The following ZNF33A variants were observed in gnomAD, a reference collection of about 807,000 sequenced individuals.
The protein encoded by ZNF33A is zinc finger protein 33A, also known as brain my041 protein.
A neutral mutation model predicts 15.9 loss-of-function variants in ZNF33A; 9 were observed. That is an observed-to-expected ratio of 0.57 (90% CI 0.34 to 0.99). The LOEUF is 0.99. ZNF33A is among the 50% of genes least tolerant of loss of function. The probability of loss-of-function intolerance (pLI) is 0.02; values close to 1 mark genes in which losing one functional copy is unlikely to be tolerated. For missense variants in ZNF33A, 843 were observed against 941.6 expected, an observed-to-expected ratio of 0.90 and a Z score of 1.37; for synonymous variants, 294 against 324.2, an observed-to-expected ratio of 0.91 and a Z score of 1.00.
At chr10:38,011,694 A>G (rs1385478003) in intron 1 of ZNF33A, among the ~76,000 whole-genome samples, 1 of 152,182 alleles carries the variant, frequency 6.6e-6, no homozygotes, top group Non-Finnish European at 1.5e-5. Flanking sequence ...GTTAGTAGGG[A>G]AGACTAAGTC....
At chr10:38,027,788 A>T (rs2065048230) in intron 4 of ZNF33A, among the ~76,000 whole-genome samples, 1 of 152,098 alleles carries the variant, frequency 6.6e-6, no homozygotes, top group Non-Finnish European at 1.5e-5. Flanking sequence ...CCCTTTATTC[A>T]TATATAGTAT....
Position 38,044,722 on chromosome 10 carries a change from C to CA in ZNF33A, c.251-9652dup, listed in dbSNP as rs1193003164. On this transcript the variant is annotated intron_variant, in intron 4 of 4. Coordinates refer to ENST00000432900, the MANE Select transcript of ZNF33A (RefSeq NM_006954.2). Reference sequence around the variant, plus strand: ...TCGCTCTGTCACCCAGGCTGGAGTTCAGAGGCATGATCTCAGCTCACTGCA... The same window carrying CA: ...TCGCTCTGTCACCCAGGCTGGAGTTCAAGAGGCATGATCTCAGCTCACTGCA... 2.0e-5 allele frequency among the ~76,000 whole-genome samples: 3 copies of CA among 152,020 alleles called. No homozygotes were observed. The East Asian group carries it at 5.8e-4, about 30-fold the overall frequency.
intron 4 of ZNF33A, among the ~76,000 whole-genome samples, chr10:38,029,212 C>T (rs1162003364): frequency 6.6e-6 from 1 of 152,094 alleles, no homozygotes; most frequent in African/African-American, 2.4e-5. Flanking sequence ...TAAAGACACC[C>T]TTTAGTGCTT....
chr10:38,017,076 G>T (rs1022688484), intron 3 of ZNF33A, 61 bp downstream of exon 3: 2 of 1,568,416 alleles, frequency 1.3e-6, no homozygotes, highest in Non-Finnish European at 1.7e-6. Context: ...ATTATGAAGC[G>T]TATGGGCAGT....
downstream of ZNF33A, chr10:38,064,028 A>T: frequency 6.5e-7 from 1 of 1,526,780 alleles, no homozygotes; most frequent in African/African-American, 1.4e-5. Context: ...GGCCATCTTC[A>T]CATCAACCCT....
chr10:38,014,035 ATTTTTTTTTTTTTTTT>A (rs10658326), intron 2 of ZNF33A, among the ~76,000 whole-genome samples: 2 of 80,368 alleles, frequency 2.5e-5, no homozygotes, highest in African/African-American at 5.5e-5. Context: ...ATGATGTCTG[ATTTTTTTTTTTTTTTT>A]TTTTTTTTTT....
In ZNF33A at chr10:38,056,466, A is replaced by C; in HGVS notation, c.2342A>C (p.Asp781Ala). The C allele has an allele frequency of 6.2e-7, 1 of 1,613,686 alleles. No homozygotes were observed. The highest frequency in any genetic ancestry group is 8.5e-7 in the Non-Finnish European group (1 of 1,179,756). The change falls in exon 5 of 5, where the codon GAT (aspartate) becomes GCT (alanine). Residue 781 changes from aspartate (D) to alanine (A), a missense_variant. Asp to Ala is a moderately radical substitution (Grantham distance 126, BLOSUM62 -2). Transcript: ENST00000432900. ...HIGENLMNEM[D>A]IRNFQPQVSL... is the part of the protein sequence containing the mutation. Reference sequence around the variant, plus strand: ...GGAGAAAACCTTATGAATGAAATGGATATTAGAAATTTCCAGCCACAAGTC... The same window carrying C: ...GGAGAAAACCTTATGAATGAAATGGCTATTAGAAATTTCCAGCCACAAGTC...
chr10:38,029,031 T>A (rs2472157), intron 4 of ZNF33A, among the ~76,000 whole-genome samples: 9,125 of 152,288 alleles, frequency 0.06, 352 homozygotes, highest in Middle Eastern at 0.095. Flanking sequence ...ATGTAAATTT[T>A]TATTTAGTTC....
intron 4 of ZNF33A, among the ~76,000 whole-genome samples, chr10:38,052,960 T>G (rs2066275308): frequency 6.6e-6 from 1 of 151,644 alleles, no homozygotes; most frequent in Admixed American, 6.6e-5. Context: ...CTTTAAGGAC[T>G]GCAATAACAT....
chr10:38,034,866 T>C (rs1404157705), intron 4 of ZNF33A, among the ~76,000 whole-genome samples: 1 of 152,156 alleles, frequency 6.6e-6, no homozygotes, highest in East Asian at 1.9e-4. Flanking sequence ...CTTGCAGCAG[T>C]AGGGCGTGGC....
At chr10:38,066,407 C>T (rs1440478271), downstream of ZNF33A, among the ~76,000 whole-genome samples, 1 of 151,884 alleles carries the variant, frequency 6.6e-6, no homozygotes, top group Non-Finnish European at 1.5e-5. Flanking sequence ...GTGCCTGCTA[C>T]CATACCTGGT....
At chr10:38,011,029 T>C (rs1157313775) in intron 1 of ZNF33A, among the ~76,000 whole-genome samples, 1 of 152,164 alleles carries the variant, frequency 6.6e-6, no homozygotes, top group Non-Finnish European at 1.5e-5. Context: ...GGAGGGCATG[T>C]GCGCTTGCGC....
chr10:38,039,870 A>G (rs1053010442), intron 4 of ZNF33A, among the ~76,000 whole-genome samples: 4 of 150,856 alleles, frequency 2.7e-5, no homozygotes, highest in Non-Finnish European at 3.0e-5. Context: ...TAGTTCATTA[A>G]TTTTTACTCT....
intron 4 of ZNF33A, among the ~76,000 whole-genome samples, chr10:38,045,086 T>G (rs943764497): frequency 6.6e-5 from 10 of 152,228 alleles, no homozygotes; most frequent in Non-Finnish European, 1.5e-4. Context: ...CCTGTTTCTT[T>G]GTATGTCTTG....
In ZNF33A at chr10:38,055,814, C is replaced by T; in HGVS notation, c.1690C>T (p.His564Tyr). ...ACPECGKFFS[H>Y]KSTLSQHYRT... ...TCCCGAATGTGGGAAATTCTTTAGCCATAAGTCAACCCTCTCTCAACATTA... is the reference window on the plus strand; with the variant it reads ...TCCCGAATGTGGGAAATTCTTTAGCTATAAGTCAACCCTCTCTCAACATTA... Residue 564 changes from histidine (H) to tyrosine (Y), a missense_variant, in exon 5 of 5, where the codon CAT (histidine) becomes TAT (tyrosine). By Grantham distance (83) the His-to-Tyr change is moderately conservative. Coordinates refer to ENST00000432900, the MANE Select transcript of ZNF33A (RefSeq NM_006954.2). The T allele has an allele frequency of 6.2e-7, 1 of 1,612,900 alleles. No individual in the cohort carries two copies. Among genetic ancestry groups the T allele is most frequent in the East Asian group, 2.2e-5 (1 of 44,802 alleles).
At chr10:38,048,358 T>TAA in intron 4 of ZNF33A, among the ~76,000 whole-genome samples, 1 of 152,190 alleles carries the variant, frequency 6.6e-6, no homozygotes, top group Non-Finnish European at 1.5e-5. Context: ...CTAAAAAGGC[T>TAA]GTGAAAAAGA....
chr10:38,061,464 T>C (rs1030906225), downstream of ZNF33A, among the ~76,000 whole-genome samples: 6 of 152,150 alleles, frequency 3.9e-5, no homozygotes, highest in African/African-American at 1.4e-4. Context: ...GCAAAACCCC[T>C]TGCCAGTGTG....
chr10:38,026,146 A>G (rs190990345), intron 4 of ZNF33A, among the ~76,000 whole-genome samples: 16 of 152,324 alleles, frequency 1.1e-4, no homozygotes, highest in East Asian at 7.7e-4. Context: ...GTTGATATAC[A>G]CTTGGGTCAT....
At chr10:38,016,366 A>C (rs1433549232) in intron 2 of ZNF33A, among the ~76,000 whole-genome samples, 2 of 152,202 alleles carry the variant, frequency 1.3e-5, no homozygotes, top group Non-Finnish European at 2.9e-5. Context: ...AGACAGCACC[A>C]GGCCATCTCC....
Sources: gnomAD v4.1 joint callset for allele counts (sites outside exome capture counted in the v4.1 genomes callset) on GRCh38, gnomAD v4.1.1 for gene constraint, MANE v1.5 for transcripts, NCBI Gene and HGNC (gene_info 2026-07-23, HGNC 2026-07-21) for gene names.